The following APBA2 variants were observed in gnomAD, a reference collection of about 807,000 sequenced individuals.
The protein encoded by APBA2 is amyloid-beta A4 precursor protein-binding family A member 2.
In APBA2, 30 loss-of-function variants were observed where a neutral mutation model predicts 75.0. That is an observed-to-expected ratio of 0.40 (90% CI 0.30 to 0.54). The LOEUF is 0.54. Ranked by LOEUF, APBA2 falls within the 20% of genes least tolerant of loss-of-function variation. The pLI is 0.49. For missense variants in APBA2, 801 were observed against 1,016.1 expected (o/e 0.79, Z 2.88); for synonymous variants, 444 against 409.6 (o/e 1.08, Z -1.01).
intron 2 of APBA2, among the ~76,000 whole-genome samples, chr15:28,951,482 C>G (rs1453562525): frequency 1.3e-5 from 2 of 152,242 alleles, no homozygotes; most frequent in African/African-American, 4.8e-5. Context: ...CAGGGTTCTT[C>G]TTGTCACCGA....
chr15:28,915,390 TCA>T (rs1423111532), intron 1 of APBA2, among the ~76,000 whole-genome samples: 1 of 111,890 alleles, frequency 8.9e-6, no homozygotes, highest in Non-Finnish European at 1.9e-5. Flanking sequence ...CATGCCCACC[TCA>T]CACACCACAC....
chr15:29,035,021 C>A (rs961115756), intron 3 of APBA2, among the ~76,000 whole-genome samples: 2 of 152,254 alleles, frequency 1.3e-5, no homozygotes, highest in Admixed American at 1.3e-4. Context: ...GGAGGTCCTT[C>A]TTCCCTGGGC....
rs570671954 is a variant in APBA2, at chr15:28,926,689, C to T, written c.-95+4940C>T. ...TTCTGTATGAAGAAAAATCTTTTAA[C>T]GTTTATTTCAGGGTATATATTGCCA... On this transcript the variant is annotated intron_variant, in intron 2 of 14. Transcript: ENST00000683413. 9.2e-5 allele frequency among the ~76,000 whole-genome samples: 14 copies of T among 151,990 alleles called. No homozygotes were observed. The East Asian group carries it at 1.4e-3, about 15-fold the overall frequency.
chr15:28,984,407 A>T (rs1024706222), intron 2 of APBA2, among the ~76,000 whole-genome samples: 1 of 152,068 alleles, frequency 6.6e-6, no homozygotes, highest in Non-Finnish European at 1.5e-5. Flanking sequence ...GGGAGAACCT[A>T]GGCTTAGTGT....
chr15:29,047,707 C>T (rs2041404622), intron 3 of APBA2, among the ~76,000 whole-genome samples: 1 of 152,130 alleles, frequency 6.6e-6, no homozygotes, highest in African/African-American at 2.4e-5. Flanking sequence ...AAGATGACCA[C>T]ATGCCGGAAA....
At chr15:29,032,546 G>A (rs1027636922) in intron 3 of APBA2, among the ~76,000 whole-genome samples, 2 of 152,236 alleles carry the variant, frequency 1.3e-5, no homozygotes, top group East Asian at 3.9e-4. Context: ...TATCCTGTTG[G>A]TTCTCTTTCT....
At chr15:29,067,820 A>G (rs1242298047) in intron 4 of APBA2, among the ~76,000 whole-genome samples, 2 of 152,002 alleles carry the variant, frequency 1.3e-5, no homozygotes, top group Admixed American at 1.3e-4. Context: ...TCAAATTATG[A>G]GTTGTAGGGC....
chr15:29,001,223 AT>A (rs1168989477), intron 3 of APBA2, among the ~76,000 whole-genome samples: 2 of 151,104 alleles, frequency 1.3e-5, no homozygotes, highest in African/African-American at 4.9e-5. Context: ...TTATTTATTT[AT>A]TTTTTTTGAG....
chr15:29,107,200 G>A (rs902273), intron 12 of APBA2, among the ~76,000 whole-genome samples: 5 of 152,022 alleles, frequency 3.3e-5, no homozygotes, highest in African/African-American at 4.8e-5. Context: ...CTCAGTGCTG[G>A]TGGGCTGGGG....
intron 8 of APBA2, among the ~76,000 whole-genome samples, 191 bp from the exon 9 acceptor site, chr15:29,098,299 C>T (rs543073403): frequency 5.3e-4 from 81 of 152,334 alleles, no homozygotes; most frequent in African/African-American, 1.6e-3. Flanking sequence ...CTCCACCCCA[C>T]GCCAGTGCTT....
At chr15:28,986,219 C>T (rs1053208866) in intron 2 of APBA2, among the ~76,000 whole-genome samples, 9 of 152,156 alleles carry the variant, frequency 5.9e-5, no homozygotes, top group African/African-American at 2.2e-4. Context: ...AGTATGTGCC[C>T]ACTCTGCGTC....
At chr15:28,900,544 C>A (rs1373801767) in intron 1 of APBA2, among the ~76,000 whole-genome samples, 1 of 152,224 alleles carries the variant, frequency 6.6e-6, no homozygotes, top group East Asian at 1.9e-4. Context: ...CTCCCCATCA[C>A]CTTGGCATTT....
intron 2 of APBA2, among the ~76,000 whole-genome samples, chr15:28,957,103 C>T (rs1045331378): frequency 2.0e-5 from 3 of 151,770 alleles, no homozygotes; most frequent in African/African-American, 7.3e-5. Context: ...GATGGAGTCT[C>T]GTTCTGTCAC....
chr15:28,987,301 C>T (rs2037974348), intron 2 of APBA2, among the ~76,000 whole-genome samples: 2 of 152,300 alleles, frequency 1.3e-5, no homozygotes, highest in South Asian at 4.1e-4. Context: ...TATTATCTCA[C>T]ACATAGTCTG....
intron 1 of APBA2, among the ~76,000 whole-genome samples, chr15:28,908,341 T>C (rs1344706783): frequency 2.0e-5 from 3 of 150,228 alleles, no homozygotes; most frequent in Admixed American, 6.6e-5. Context: ...GACAGAGTCT[T>C]GCTCTGTCGC....
At chr15:29,049,594 G>A (rs1566945432) in intron 3 of APBA2, among the ~76,000 whole-genome samples, 2 of 152,086 alleles carry the variant, frequency 1.3e-5, no homozygotes, top group African/African-American at 4.8e-5. Flanking sequence ...AAAAATACAG[G>A]CACCTCTTCA....
chr15:29,101,847 T>A, intron 10 of APBA2, 63 bp downstream of exon 10: 2 of 1,557,210 alleles, frequency 1.3e-6, no homozygotes, highest in African/African-American at 1.4e-5. Flanking sequence ...GGCTCCAGGA[T>A]CCAGGCGCTG....
chr15:28,902,121 C>T (rs1260605217), intron 1 of APBA2, among the ~76,000 whole-genome samples: 1 of 151,982 alleles, frequency 6.6e-6, no homozygotes, highest in Non-Finnish European at 1.5e-5. Flanking sequence ...ATGTGGGCTG[C>T]ACACAGTGAC....
At chr15:28,928,357 G>A (rs1213547190) in intron 2 of APBA2, among the ~76,000 whole-genome samples, 1 of 152,050 alleles carries the variant, frequency 6.6e-6, no homozygotes, top group Non-Finnish European at 1.5e-5. Context: ...CCTTGTTTTT[G>A]TCCTCTGGCT....
Sources: allele counts gnomAD v4.1 joint callset (sites outside exome capture counted in the v4.1 genomes callset), GRCh38; gene constraint gnomAD v4.1.1; transcripts MANE v1.5; gene names NCBI Gene and HGNC (gene_info 2026-07-23, HGNC 2026-07-21).